The following PTPRT variants were observed in gnomAD, a reference collection of about 807,000 sequenced individuals.
PTPRT encodes the protein protein tyrosine phosphatase receptor type T.
A neutral mutation model predicts 176.8 loss-of-function variants in PTPRT; 56 were observed. The ratio of observed to expected loss-of-function variants is 0.32; its 90% CI spans 0.26 to 0.40. The LOEUF (loss-of-function observed/expected upper bound fraction) is 0.40. Ranked by LOEUF, PTPRT falls within the 10% of genes least tolerant of loss-of-function variation. PTPRT has a pLI of 1.00. For missense variants in PTPRT, 1,540 were observed against 1,908.2 expected (o/e 0.81, Z 3.60); for synonymous variants, 783 against 739.0 (o/e 1.06, Z -0.96).
At chr20:42,301,131 A>T (rs2057461907) in intron 12 of PTPRT, among the ~76,000 whole-genome samples, 1 of 152,250 alleles carries the variant, frequency 6.6e-6, no homozygotes, top group Admixed American at 6.5e-5. Context: ...ATTACAAAGA[A>T]ATAGTAGCTT....
chr20:43,107,802 G>A (rs8122367), intron 1 of PTPRT, among the ~76,000 whole-genome samples: 1 of 152,310 alleles, frequency 6.6e-6, no homozygotes, highest in Non-Finnish European at 1.5e-5. Flanking sequence ...GGGATGAGGC[G>A]AAGAAGGTGT....
chr20:42,279,882 T>C lies in PTPRT; in HGVS notation c.2176+2607A>G, dbSNP rs368119761. Among the ~76,000 whole-genome samples, 13 of 152,230 alleles carry C rather than the reference T, an allele frequency of 8.5e-5. No homozygotes were observed. In the South Asian group the frequency reaches 1.5e-3, roughly 17 times the overall value. ...AGGGACCAGACAGCGGCAAGTTGCT[T>C]CATCACCAGAGTACTGGCCTTGAGT... On this transcript the variant is annotated intron_variant, in intron 13 of 30. Transcript: ENST00000373187.
intron 9 of PTPRT, among the ~76,000 whole-genome samples, chr20:42,364,669 T>C (rs1034903308): frequency 4.6e-5 from 7 of 152,216 alleles, no homozygotes; most frequent in African/African-American, 1.7e-4. Context: ...CTGCTGTTTA[T>C]GGAACTGTCA....
At chr20:42,118,300 G>T in intron 21 of PTPRT, 103 bp downstream of exon 21, 2 of 993,970 alleles carry the variant, frequency 2.0e-6, no homozygotes, top group Non-Finnish European at 2.9e-6. Flanking sequence ...CCGTGAGGGT[G>T]AAATACTGAC....
At chr20:42,215,201 G>C (rs575278825) in intron 15 of PTPRT, among the ~76,000 whole-genome samples, 18 of 152,094 alleles carry the variant, frequency 1.2e-4, no homozygotes, top group Non-Finnish European at 2.4e-4. Context: ...CCCTGGGTTG[G>C]GGAGATGGCC....
At chr20:42,124,469 C>G (rs545444343) in intron 19 of PTPRT, among the ~76,000 whole-genome samples, 14 of 152,324 alleles carry the variant, frequency 9.2e-5, no homozygotes, top group Admixed American at 3.3e-4. Context: ...TGCAAACAAA[C>G]CTGCCAGCGG....
intron 9 of PTPRT, among the ~76,000 whole-genome samples, chr20:42,355,613 C>T (rs1420986639): frequency 6.6e-6 from 1 of 152,104 alleles, no homozygotes; most frequent in African/African-American, 2.4e-5. Flanking sequence ...CAAATGGGGG[C>T]AAATGGAGTT....
At chr20:43,018,470 G>A (rs1250413134) in intron 1 of PTPRT, among the ~76,000 whole-genome samples, 2 of 152,150 alleles carry the variant, frequency 1.3e-5, no homozygotes, top group Admixed American at 1.3e-4. Flanking sequence ...TTTTGAGGGT[G>A]ACATAAAATC....
chr20:42,755,031 C>A (rs1278110570), intron 6 of PTPRT, among the ~76,000 whole-genome samples: 1 of 152,086 alleles, frequency 6.6e-6, no homozygotes, highest in Non-Finnish European at 1.5e-5. Context: ...TAAAGGCAAA[C>A]CAGCATTTTA....
chr20:42,551,951 A>G (rs192781791), intron 7 of PTPRT, among the ~76,000 whole-genome samples: 3 of 152,152 alleles, frequency 2.0e-5, no homozygotes, highest in Non-Finnish European at 1.5e-5. Context: ...AACTTTCATT[A>G]CCACCTATAC....
At chr20:42,480,104 C>A (rs935221140) in intron 7 of PTPRT, among the ~76,000 whole-genome samples, 2 of 152,192 alleles carry the variant, frequency 1.3e-5, no homozygotes, top group African/African-American at 4.8e-5. Flanking sequence ...TTGAAAACTA[C>A]TCACTGAGCA....
At chr20:42,090,484 C>G (rs1031936598) in intron 27 of PTPRT, among the ~76,000 whole-genome samples, 1 of 152,000 alleles carries the variant, frequency 6.6e-6, no homozygotes, top group Non-Finnish European at 1.5e-5. Context: ...TAAAAGGCAA[C>G]TCAGTGTGTC....
chr20:42,868,949 A>G (rs981884438), intron 2 of PTPRT, among the ~76,000 whole-genome samples: 8 of 152,182 alleles, frequency 5.3e-5, no homozygotes, highest in African/African-American at 1.9e-4. Flanking sequence ...AGTGAGCCCA[A>G]GTGTGGCTCA....
intron 1 of PTPRT, among the ~76,000 whole-genome samples, chr20:43,025,852 T>G (rs1985887674): frequency 6.6e-6 from 1 of 152,166 alleles, no homozygotes; most frequent in Non-Finnish European, 1.5e-5. Flanking sequence ...GACTTGGATC[T>G]CAGACTTGTC....
At chr20:43,096,384 G>A (rs2012169022) in intron 1 of PTPRT, among the ~76,000 whole-genome samples, 1 of 152,184 alleles carries the variant, frequency 6.6e-6, no homozygotes, top group African/African-American at 2.4e-5. Flanking sequence ...CCCAGCATGT[G>A]AGGAAGGGCT....
intron 8 of PTPRT, among the ~76,000 whole-genome samples, chr20:42,458,359 G>T (rs2070959652): frequency 6.6e-6 from 1 of 152,146 alleles, no homozygotes. Context: ...CACTGCCTGG[G>T]TTTATGTCCT....
intron 1 of PTPRT, among the ~76,000 whole-genome samples, chr20:42,945,639 C>A (rs986431886): frequency 6.6e-6 from 1 of 152,224 alleles, no homozygotes; most frequent in Admixed American, 6.5e-5. Flanking sequence ...GGGTCACTGC[C>A]CCTTGTGCTG....
intron 15 of PTPRT, among the ~76,000 whole-genome samples, chr20:42,232,741 A>C (rs2056160608): frequency 6.9e-6 from 1 of 143,896 alleles, no homozygotes; most frequent in East Asian, 2.0e-4. Flanking sequence ...AGGCTCCTCC[A>C]CTATAACTAA....
chr20:42,108,040 T>A (rs1397041148), intron 23 of PTPRT, among the ~76,000 whole-genome samples: 1 of 151,926 alleles, frequency 6.6e-6, no homozygotes, highest in African/African-American at 2.4e-5. Flanking sequence ...GGAGGGAGTA[T>A]AGGGGGGGTC....
Sources: gnomAD v4.1 joint callset for allele counts (sites outside exome capture counted in the v4.1 genomes callset) on GRCh38, gnomAD v4.1.1 for gene constraint, MANE v1.5 for transcripts, NCBI Gene and HGNC (gene_info 2026-07-23, HGNC 2026-07-21) for gene names.